CMIP: variants seen among roughly 807,000 people sequenced by gnomAD.
CMIP encodes the protein C-Maf-inducing protein.
Under a neutral mutation model 97.3 loss-of-function variants are expected in CMIP, and 13 were observed. The ratio of observed to expected loss-of-function variants is 0.13; its 90% CI spans 0.09 to 0.21. CMIP has a LOEUF of 0.21. Ranked by LOEUF, CMIP falls within the 10% of genes least tolerant of loss-of-function variation. The pLI is 1.00. For missense variants in CMIP, 847 were observed against 1,024.9 expected, an observed-to-expected ratio of 0.83 and a Z score of 2.37; for synonymous variants, 538 against 436.3, an observed-to-expected ratio of 1.23 and a Z score of -2.91.
intron 5 of CMIP, among the ~76,000 whole-genome samples, chr16:81,659,532 C>T (rs2092521994): frequency 6.6e-6 from 1 of 152,150 alleles, no homozygotes; most frequent in Admixed American, 6.5e-5. Flanking sequence ...GGGGGACTTA[C>T]ATGTGCAAAG....
intron 1 of CMIP, among the ~76,000 whole-genome samples, chr16:81,553,359 C>T (rs1418222641): frequency 6.6e-6 from 1 of 152,142 alleles, no homozygotes; most frequent in Admixed American, 6.5e-5. Context: ...ACCGTATTTG[C>T]AAAAGCAACA....
Position 81,693,202 on chromosome 16 carries a change from G to A in CMIP, c.1481+18G>A, listed in dbSNP as rs372364437. ...TTCACCAAGTGAGTGTCTGGGCACC[G>A]CCCTCATTCCATTCTGGCACGCACG... On this transcript the variant is annotated intron_variant, in intron 12 of 20. Coordinates refer to ENST00000537098, the MANE Select transcript of CMIP (RefSeq NM_198390.3). 9.9e-6 allele frequency: 16 copies of A among 1,608,140 alleles called. No individual in the cohort carries two copies. Among genetic ancestry groups the A allele is most frequent in the Admixed American group, 5.0e-5 (3 of 59,764 alleles).
chr16:81,531,290 G>T (rs1355278910), intron 1 of CMIP, among the ~76,000 whole-genome samples: 1 of 152,176 alleles, frequency 6.6e-6, no homozygotes, highest in Non-Finnish European at 1.5e-5. Flanking sequence ...GGCAGCCCCA[G>T]AAGCCCCAGA....
intron 9 of CMIP, among the ~76,000 whole-genome samples, chr16:81,674,299 C>G (rs2092709010): frequency 6.6e-6 from 1 of 152,080 alleles, no homozygotes; most frequent in Non-Finnish European, 1.5e-5. Context: ...TCAGGCCTGC[C>G]CTTTTGTATT....
chr16:81,612,343 C>CCGGGACT (rs1176178108), intron 2 of CMIP, among the ~76,000 whole-genome samples: 2 of 152,130 alleles, frequency 1.3e-5, no homozygotes, highest in African/African-American at 4.8e-5. Context: ...GGGATGGGTT[C>CCGGGACT]CGGGACTCGG....
chr16:81,691,771 C>G lies in CMIP; in HGVS notation c.1389-4C>G, dbSNP rs201626483. The G allele has an allele frequency of 1.9e-3, 3,003 of 1,613,326 alleles. 13 individuals carry two copies. Among genetic ancestry groups the G allele is most frequent in the Middle Eastern group, 5.6e-3 (34 of 6,060 alleles). On this transcript the variant is annotated splice_polypyrimidine_tract_variant and splice_region_variant and intron_variant, in intron 10 of 20. Transcript: ENST00000537098. Reference sequence around the variant, plus strand: ...AAGCTGACTGTCACCCTCTCTCATTCTAGGTCAGACTATGATGACTGGAGA... The same window carrying G: ...AAGCTGACTGTCACCCTCTCTCATTGTAGGTCAGACTATGATGACTGGAGA...
chr16:81,651,428 G>A, intron 3 of CMIP: 2 of 973,454 alleles, frequency 2.1e-6, no homozygotes, highest in Non-Finnish European at 2.4e-6. Flanking sequence ...CCAAGCAAAG[G>A]TGAGAGCACT....
intron 1 of CMIP, among the ~76,000 whole-genome samples, chr16:81,470,894 C>T (rs1907487419): frequency 1.3e-5 from 2 of 152,342 alleles, no homozygotes; most frequent in Admixed American, 1.3e-4. Flanking sequence ...AAAAGAAATC[C>T]TTTCTTGGGA....
intron 17 of CMIP, among the ~76,000 whole-genome samples, chr16:81,703,117 C>A (rs1329125806): frequency 6.6e-6 from 1 of 152,084 alleles, no homozygotes; most frequent in African/African-American, 2.4e-5. Flanking sequence ...CTTCCTGGAC[C>A]AAAAGGGCTG....
chr16:81,485,352 G>A (rs1371508830), intron 1 of CMIP, among the ~76,000 whole-genome samples: 4 of 152,188 alleles, frequency 2.6e-5, no homozygotes, highest in African/African-American at 4.8e-5. Flanking sequence ...TCACTCATCC[G>A]AGCTATTTCT....
chr16:81,495,371 T>C, intron 1 of CMIP: 1 of 1,515,974 alleles, frequency 6.6e-7, no homozygotes, highest in South Asian at 1.3e-5. Context: ...GGGCTGGGCG[T>C]GCATGGCATA....
chr16:81,626,219 G>A (rs1287937529), intron 3 of CMIP, among the ~76,000 whole-genome samples: 2 of 60,094 alleles, frequency 3.3e-5, no homozygotes, highest in East Asian at 4.5e-4. Context: ...GTGTGTGCGC[G>A]TGAGAATGTG....
intron 2 of CMIP, among the ~76,000 whole-genome samples, chr16:81,608,294 A>T (rs1186214520): frequency 6.6e-6 from 1 of 152,194 alleles, no homozygotes; most frequent in East Asian, 1.9e-4. Flanking sequence ...GGGAAGCCTT[A>T]GAGGGGACTT....
At chr16:81,692,734 G>A (rs894560634) in intron 11 of CMIP, among the ~76,000 whole-genome samples, 13 of 152,194 alleles carry the variant, frequency 8.5e-5, no homozygotes, top group African/African-American at 1.9e-4. Flanking sequence ...AGGCCTGGGC[G>A]CTCTTGGCTG....
At chr16:81,555,244 A>G (rs2090738404) in intron 1 of CMIP, among the ~76,000 whole-genome samples, 1 of 152,160 alleles carries the variant, frequency 6.6e-6, no homozygotes, top group Admixed American at 6.5e-5. Context: ...GGGAGGGGAA[A>G]CGTGATGGTG....
intron 1 of CMIP, among the ~76,000 whole-genome samples, chr16:81,605,693 CTT>C (rs532329185): frequency 6.6e-5 from 10 of 152,246 alleles, no homozygotes; most frequent in Non-Finnish European, 1.0e-4. Context: ...CTGTGACACT[CTT>C]TACTCCTGCT....
At chr16:81,604,088 T>C (rs745438771) in intron 1 of CMIP, among the ~76,000 whole-genome samples, 1 of 152,170 alleles carries the variant, frequency 6.6e-6, no homozygotes, top group East Asian at 1.9e-4. Flanking sequence ...GCATGCAGCT[T>C]GTCTGCTTTT....
At chr16:81,664,454 C>CTGGGCCAA in intron 7 of CMIP, 105 bp downstream of exon 7, 1 of 1,076,960 alleles carries the variant, frequency 9.3e-7, no homozygotes, top group Non-Finnish European at 1.3e-6. Flanking sequence ...ATGTGGTTGG[C>CTGGGCCAA]CCAGCGTGAC....
At chr16:81,591,420 C>T (rs1191265137) in intron 1 of CMIP, among the ~76,000 whole-genome samples, 1 of 152,186 alleles carries the variant, frequency 6.6e-6, no homozygotes, top group East Asian at 1.9e-4. Flanking sequence ...GTGTCCCGGG[C>T]TTGTGAGAAC....
Sources: gnomAD v4.1 joint callset for allele counts (sites outside exome capture counted in the v4.1 genomes callset) on GRCh38, gnomAD v4.1.1 for gene constraint, MANE v1.5 for transcripts, NCBI Gene and HGNC (gene_info 2026-07-23, HGNC 2026-07-21) for gene names.